The following ADAMTSL1 variants were observed in gnomAD, a reference collection of about 807,000 sequenced individuals.
ADAMTSL1 encodes the protein ADAMTS like 1, also known as ADAMTS-like protein 1.
ADAMTSL1 carries 126 observed loss-of-function variants against 201.8 expected under a neutral mutation model. The observed-to-expected ratio is 0.62, with a 90% CI of 0.54 to 0.72. ADAMTSL1 has a LOEUF of 0.72. Ranked by LOEUF, ADAMTSL1 falls within the 30% of genes least tolerant of loss-of-function variation. The pLI is 0.00. For missense variants in ADAMTSL1, 2,679 were observed against 2,277.8 expected, an observed-to-expected ratio of 1.18 and a Z score of -3.59; for synonymous variants, 1,121 against 903.4, an observed-to-expected ratio of 1.24 and a Z score of -4.32.
chr9:18,803,862 T>G (rs1822947334), intron 20 of ADAMTSL1, among the ~76,000 whole-genome samples: 1 of 152,184 alleles, frequency 6.6e-6, no homozygotes, highest in Admixed American at 6.5e-5. Flanking sequence ...CAGAGTGTTA[T>G]TCAAAGGGTA....
chr9:18,078,181 A>G (rs1233741603), intron 1 of ADAMTSL1, among the ~76,000 whole-genome samples: 1 of 152,206 alleles, frequency 6.6e-6, no homozygotes, highest in Non-Finnish European at 1.5e-5. Flanking sequence ...TTTAATCAGT[A>G]CTTTAACAAG....
At chr9:18,524,956 A>G (rs975935805) in intron 2 of ADAMTSL1, among the ~76,000 whole-genome samples, 1 of 152,208 alleles carries the variant, frequency 6.6e-6, no homozygotes, top group Non-Finnish European at 1.5e-5. Context: ...CTGGCCTCAT[A>G]AAATGAGTGA....
At chr9:18,178,804 G>T (rs556645887) in intron 2 of ADAMTSL1, among the ~76,000 whole-genome samples, 11 of 152,208 alleles carry the variant, frequency 7.2e-5, no homozygotes, top group Non-Finnish European at 1.5e-4. Flanking sequence ...CAACAGAACT[G>T]CAGCTGAGGG....
intron 23 of ADAMTSL1, among the ~76,000 whole-genome samples, chr9:18,858,421 C>G (rs184865233): frequency 1.3e-5 from 2 of 152,212 alleles, no homozygotes; most frequent in Admixed American, 1.3e-4. Flanking sequence ...TGGACTACCA[C>G]GGCTCCCTGT....
Position 18,524,427 on chromosome 9 carries a change from T to G in ADAMTSL1, c.192-8820T>G, listed in dbSNP as rs1426496481. The stretch of plus-strand genomic sequence containing the variant: ...TTCCTCTTTTCCTAATTGAATACCC[T>G]TTATTTCTTTCTCCTGCCTGATTGC... On this transcript the variant is annotated intron_variant, in intron 2 of 28. Coordinates refer to ENST00000380548, the MANE Select transcript of ADAMTSL1 (RefSeq NM_001040272.6). 3.9e-5 allele frequency among the ~76,000 whole-genome samples: 6 copies of G among 152,304 alleles called. No homozygotes were observed. In the East Asian group the frequency reaches 1.2e-3, roughly 29 times the overall value.
At chr9:18,533,116 C>A in intron 2 of ADAMTSL1, 131 bp from the exon 3 acceptor site, 1 of 591,924 alleles carries the variant, frequency 1.7e-6, no homozygotes. Flanking sequence ...AATAGTAAAC[C>A]CTCTAAGAAC....
intron 2 of ADAMTSL1, among the ~76,000 whole-genome samples, chr9:18,316,585 G>A (rs148124543): frequency 1.3e-5 from 2 of 152,024 alleles, no homozygotes; most frequent in Non-Finnish European, 2.9e-5. Flanking sequence ...AGAGTTTAAG[G>A]TTATCTCTCT....
At chr9:17,927,646 A>T (rs907097352) in intron 1 of ADAMTSL1, among the ~76,000 whole-genome samples, 2 of 152,120 alleles carry the variant, frequency 1.3e-5, no homozygotes, top group African/African-American at 4.8e-5. Context: ...TTACTCCCTA[A>T]ACAATACTGT....
At chr9:18,528,835 C>A (rs1045477554) in intron 2 of ADAMTSL1, among the ~76,000 whole-genome samples, 1 of 152,018 alleles carries the variant, frequency 6.6e-6, no homozygotes, top group African/African-American at 2.4e-5. Flanking sequence ...TTATTTAAAT[C>A]CTCTCTTATC....
At chr9:18,286,518 C>G (rs530429894) in intron 2 of ADAMTSL1, among the ~76,000 whole-genome samples, 26 of 152,226 alleles carry the variant, frequency 1.7e-4, no homozygotes, top group African/African-American at 6.0e-4. Context: ...ATAAACAGAA[C>G]TTGCATCCAA....
At chr9:18,813,761 G>C (rs1045995395) in intron 20 of ADAMTSL1, among the ~76,000 whole-genome samples, 1 of 152,160 alleles carries the variant, frequency 6.6e-6, no homozygotes, top group African/African-American at 2.4e-5. Context: ...CTGCAAACAA[G>C]GACAGTATAA....
intron 1 of ADAMTSL1, among the ~76,000 whole-genome samples, chr9:17,958,137 T>C (rs568400459): frequency 1.3e-5 from 2 of 152,270 alleles, no homozygotes; most frequent in African/African-American, 2.4e-5. Context: ...GTGTCTTTAA[T>C]CATTTTACCT....
chr9:18,418,727 A>G (rs1438463877), intron 2 of ADAMTSL1, among the ~76,000 whole-genome samples: 3 of 152,220 alleles, frequency 2.0e-5, no homozygotes, highest in African/African-American at 7.2e-5. Context: ...TACCTTATTT[A>G]TGGACAAGAA....
chr9:18,693,725 T>G (rs1379787625), intron 13 of ADAMTSL1, among the ~76,000 whole-genome samples: 1 of 152,230 alleles, frequency 6.6e-6, no homozygotes, highest in Non-Finnish European at 1.5e-5. Context: ...TGCTATTATG[T>G]GAAGTTCTAC....
At chr9:18,747,480 T>G (rs1333018178) in intron 15 of ADAMTSL1, among the ~76,000 whole-genome samples, 1 of 152,008 alleles carries the variant, frequency 6.6e-6, no homozygotes, top group Non-Finnish European at 1.5e-5. Context: ...CATGGTGGAC[T>G]TGGGTGTGAC....
At chr9:18,375,758 C>A (rs185644072) in intron 2 of ADAMTSL1, among the ~76,000 whole-genome samples, 10 of 152,342 alleles carry the variant, frequency 6.6e-5, no homozygotes, top group Non-Finnish European at 1.2e-4. Context: ...CAGCGGGTTG[C>A]CACTGCTGGC....
intron 9 of ADAMTSL1, among the ~76,000 whole-genome samples, chr9:18,674,763 A>C (rs899943661): frequency 6.6e-6 from 1 of 152,118 alleles, no homozygotes; most frequent in Non-Finnish European, 1.5e-5. Context: ...AATACCCCAA[A>C]GAGGGGCTTT....
At chr9:18,851,381 A>C (rs999209254) in intron 23 of ADAMTSL1, among the ~76,000 whole-genome samples, 2 of 152,120 alleles carry the variant, frequency 1.3e-5, no homozygotes, top group Non-Finnish European at 2.9e-5. Context: ...TGGAAATTCT[A>C]TTTCCATCTA....
At chr9:18,541,585 A>C (rs1488155989) in intron 3 of ADAMTSL1, among the ~76,000 whole-genome samples, 4 of 152,042 alleles carry the variant, frequency 2.6e-5, no homozygotes. Flanking sequence ...TCACTTTTTC[A>C]ATCCCATGGA....
Sources: allele counts gnomAD v4.1 joint callset (sites outside exome capture counted in the v4.1 genomes callset), GRCh38; gene constraint gnomAD v4.1.1; transcripts MANE v1.5; gene names NCBI Gene and HGNC (gene_info 2026-07-23, HGNC 2026-07-21).